Variants in ORC1 observed in about 807,000 individuals in gnomAD.
ORC1 encodes the protein origin recognition complex, subunit 1 homolog.
A neutral mutation model predicts 98.9 loss-of-function variants in ORC1; 61 were observed. That is an observed-to-expected ratio of 0.62 (90% CI 0.50 to 0.76). The LOEUF (loss-of-function observed/expected upper bound fraction) is 0.76. Among genes scored for constraint, ORC1 ranks in the 30% least tolerant of loss-of-function variants. ORC1 has a pLI of 0.00. For missense variants in ORC1, 979 were observed against 1,072.2 expected (o/e 0.91, Z 1.21); for synonymous variants, 385 against 406.9 (o/e 0.95, Z 0.65).
intron 6 of ORC1, among the ~76,000 whole-genome samples, chr1:52,392,764 G>A (rs920403532): frequency 6.6e-6 from 1 of 152,160 alleles, no homozygotes; most frequent in African/African-American, 2.4e-5. Context: ...CCAGCAACTT[G>A]GATGGAGATG....
chr1:52,393,487 T>C lies in ORC1; in HGVS notation c.1038A>G (p.Ser346=). The C allele has an allele frequency of 6.2e-7, 1 of 1,614,224 alleles. No homozygotes were observed. The highest frequency in any genetic ancestry group is 8.5e-7 in the Non-Finnish European group (1 of 1,180,024). ...LTPISGGQRS[S]VVPSVILKPE... Reference sequence around the variant, plus strand: ...GTTTCAGAATCACGGATGGCACCACTGAAGATCTCTGTCCCCCACTGATAG... The same window carrying C: ...GTTTCAGAATCACGGATGGCACCACCGAAGATCTCTGTCCCCCACTGATAG... Residue 346 remains serine (S), a synonymous_variant, in exon 6 of 17, where the codon TCA becomes TCG. Coordinates refer to ENST00000371568, the MANE Select transcript of ORC1 (RefSeq NM_004153.4).
In ORC1 at chr1:52,393,867, C is replaced by T; in HGVS notation, c.722-64G>A. On this transcript the variant is annotated intron_variant, in intron 5 of 16. Coordinates refer to ENST00000371568, the MANE Select transcript of ORC1 (RefSeq NM_004153.4). Reference sequence around the variant, plus strand: ...ACAATATACAAACCCACAATCTCATCACAGCCAAATTCAGCCACTGAGTTA... The same window carrying T: ...ACAATATACAAACCCACAATCTCATTACAGCCAAATTCAGCCACTGAGTTA... 3.2e-6 allele frequency: 5 copies of T among 1,558,416 alleles called. No homozygotes were observed. In the Middle Eastern group the frequency reaches 7.1e-4, roughly 220 times the overall value.
rs1240963947 is a variant in ORC1 at position 52,397,730 on chromosome 1, G to A, written c.357C>T (p.Ala119=). The stretch of plus-strand genomic sequence containing the variant: ...TCTCCGCATTAATGTTGCTGTCACA[G>A]GCCGGGTAATCATACCAGAATATTT... ...AQEIFWYDYP[A]CDSNINAETI... is the part of the protein sequence containing the mutation. Residue 119 remains alanine, a synonymous_variant, in exon 4 of 17, where the codon GCC becomes GCT. Transcript: ENST00000371568. 1 of 1,614,216 alleles carries A rather than the reference G, an allele frequency of 6.2e-7. No homozygotes were observed. The highest frequency in any genetic ancestry group is 1.1e-5 in the South Asian group (1 of 91,086).
intron 14 of ORC1, among the ~76,000 whole-genome samples, chr1:52,379,873 C>T (rs534424365): frequency 1.3e-5 from 2 of 152,086 alleles, no homozygotes; most frequent in African/African-American, 4.8e-5. Context: ...GTGGAGGTTG[C>T]GGTAAGCCGA....
At chr1:52,397,012 T>C (rs987534266) in intron 4 of ORC1, among the ~76,000 whole-genome samples, 1 of 152,230 alleles carries the variant, frequency 6.6e-6, no homozygotes, top group Non-Finnish European at 1.5e-5. Context: ...TCTCCGCGTA[T>C]ACTCATCCTG....
rs1340171073 is a variant in ORC1 at position 52,388,637 on chromosome 1, C to T, written c.1188G>A (p.Arg396=). The change falls in exon 8 of 17, where the codon CGG becomes CGA. Residue 396 remains arginine (R), a splice_region_variant and synonymous_variant. Coordinates refer to ENST00000371568, the MANE Select transcript of ORC1 (RefSeq NM_004153.4). ...GGTCACTTTTACTATTACCTAGAAACCTGAATGGTAGGGACATATTTTTTG... is the reference window on the plus strand; with the variant it reads ...GGTCACTTTTACTATTACCTAGAAATCTGAATGGTAGGGACATATTTTTTG... ...LTMNRIRQQL[R]FLGNSKSDQE... 1 of 1,612,208 alleles carries T rather than the reference C, an allele frequency of 6.2e-7. No homozygotes were observed. The highest frequency in any genetic ancestry group is 1.3e-5 in the African/African-American group (1 of 74,978).
intron 14 of ORC1, among the ~76,000 whole-genome samples, chr1:52,375,851 T>C (rs1180363754): frequency 2.6e-5 from 4 of 152,134 alleles, no homozygotes; most frequent in African/African-American, 9.7e-5. Flanking sequence ...ATTCAGGAAA[T>C]GAAGTCTAAA....
chr1:52,375,577 G>A lies in ORC1; in HGVS notation c.2156C>T (p.Ala719Val), dbSNP rs1481537399. Reference sequence around the variant, plus strand: ...CCTGCAGATGTCCAGGCACCGTCGTGCATCTCCAGACAGTGCTGCTACCTA... The same window carrying A: ...CCTGCAGATGTCCAGGCACCGTCGTACATCTCCAGACAGTGCTGCTACCTA... ...ARKVAALSGD[A>V]RRCLDICRRA... is the part of the protein sequence containing the mutation. The change falls in exon 15 of 17, where the codon GCA becomes GTA. Residue 719 changes from alanine (A) to valine (V), a missense_variant. By Grantham distance (64) the Ala-to-Val change is moderately conservative. Transcript: ENST00000371568. The A allele has an allele frequency of 6.2e-7, 1 of 1,614,038 alleles. No homozygotes were observed. Among genetic ancestry groups the A allele is most frequent in the South Asian group, 1.1e-5 (1 of 91,080 alleles).
At chr1:52,390,598 A>G (rs571889710) in intron 6 of ORC1, among the ~76,000 whole-genome samples, 1 of 152,238 alleles carries the variant, frequency 6.6e-6, no homozygotes, top group East Asian at 1.9e-4. Context: ...GGAGTTTGAG[A>G]TCAGCCTGGC....
chr1:52,402,067 A>G, intron 2 of ORC1, 62 bp downstream of exon 2: 2 of 1,173,702 alleles, frequency 1.7e-6, no homozygotes, highest in African/African-American at 1.5e-5. Flanking sequence ...GGCTAGATAC[A>G]AGTTGACTGT....
intron 3 of ORC1, among the ~76,000 whole-genome samples, chr1:52,399,572 C>T (rs1312838812): frequency 1.9e-4 from 27 of 142,018 alleles, no homozygotes; most frequent in Admixed American, 1.7e-3. Context: ...TGCAGTGAGC[C>T]GAGATGGCGC....
At chr1:52,375,358 T>C in intron 15 of ORC1, 72 bp downstream of exon 15, 2 of 1,372,264 alleles carry the variant, frequency 1.5e-6, no homozygotes, top group Non-Finnish European at 2.1e-6. Flanking sequence ...GCAGGTTGAA[T>C]GAGTAAAAGC....
intron 14 of ORC1, among the ~76,000 whole-genome samples, chr1:52,376,082 T>C (rs919682487): frequency 2.6e-5 from 4 of 152,012 alleles, no homozygotes; most frequent in African/African-American, 7.2e-5. Context: ...ATCAAGAATG[T>C]AGGAAGGGGC....
At chr1:52,379,032 C>CAA (rs999288237) in intron 14 of ORC1, among the ~76,000 whole-genome samples, 1 of 142,182 alleles carries the variant, frequency 7.0e-6, no homozygotes, top group Non-Finnish European at 1.5e-5. Flanking sequence ...GACTCCGTCT[C>CAA]AAAAAAAAAA....
chr1:52,375,612 A>G lies in ORC1; in HGVS notation c.2134-13T>C. ...ACAGTGCTGCTACCTACAAGAGGGA[A>G]TATTTTATTCCTGAGGCCACCTTAG... is the stretch of plus-strand genomic sequence containing the variant. On this transcript the variant is annotated splice_polypyrimidine_tract_variant and intron_variant, in intron 14 of 16. Transcript: ENST00000371568. The G allele has an allele frequency of 6.2e-7, 1 of 1,613,004 alleles. No individual in the cohort carries two copies. The highest frequency in any genetic ancestry group is 2.2e-5 in the East Asian group (1 of 44,880).
chr1:52,379,191 TTAG>T (rs1647030988), intron 14 of ORC1, among the ~76,000 whole-genome samples: 1 of 151,212 alleles, frequency 6.6e-6, no homozygotes, highest in African/African-American at 2.4e-5. Flanking sequence ...TGCTCAGGAG[TTAG>T]TGGTGCTGGA....
chr1:52,394,582 G>A (rs1647309590), intron 5 of ORC1, among the ~76,000 whole-genome samples: 1 of 151,866 alleles, frequency 6.6e-6, no homozygotes, highest in African/African-American at 2.4e-5. Context: ...TTTCAACAGA[G>A]TTGAAAGAGG....
At position 52,393,663 on chromosome 1, in the gene ORC1, GA is replaced by G. The variant is rs779544687; in HGVS notation, c.861del (p.Pro288GlnfsTer3). The G allele has an allele frequency of 6.2e-6, 10 of 1,614,024 alleles. No individual in the cohort carries two copies. Among genetic ancestry groups the G allele is most frequent in the African/African-American group, 1.3e-5 (1 of 74,906 alleles). ...RSQPDKLQTL[S>X]PALKAPEKTR... ...GTTTTCTCTGGGGCTTTCAGAGCTG[GA>G]GACAAGGTTTGAAGTTTATCAGGCT... On this transcript the variant is annotated frameshift_variant, in exon 6 of 17. Transcript: ENST00000371568. LOFTEE classifies it high-confidence loss of function.
chr1:52,381,681 C>G lies in ORC1; in HGVS notation c.2094G>C (p.Lys698Asn). 1.2e-6 allele frequency: 2 copies of G among 1,613,332 alleles called. No homozygotes were observed. The highest frequency in any genetic ancestry group is 1.7e-6 in the Non-Finnish European group (2 of 1,179,800). The change falls in exon 14 of 17, where the codon AAG (lysine) becomes AAC (asparagine). Residue 698 changes from lysine to asparagine, a missense_variant. Lys to Asn is a moderately conservative substitution (Grantham distance 94). Transcript: ENST00000371568. ...QILRSRLKHL[K>N]AFEDDAIQLV... ...GCTGGATGGCATCATCTTCAAAGGC[C>G]TTTAGATGCTTGAGCCGGGACCTTA...
Sources: gnomAD v4.1 joint callset for allele counts (sites outside exome capture counted in the v4.1 genomes callset) on GRCh38, gnomAD v4.1.1 for gene constraint, MANE v1.5 for transcripts, NCBI Gene and HGNC (gene_info 2026-07-23, HGNC 2026-07-21) for gene names.